Variants in PRKN observed in about 807,000 individuals in gnomAD.
PRKN encodes the protein parkin RBR E3 ubiquitin protein ligase, also known as E3 ubiquitin-protein ligase parkin.
A neutral mutation model predicts 59.5 loss-of-function variants in PRKN; 56 were observed. The observed-to-expected ratio is 0.94, with a 90% CI of 0.76 to 1.18. PRKN has a LOEUF of 1.18. Ranked by LOEUF, PRKN falls within the 50% of genes most tolerant of loss-of-function variation. The pLI is 0.00. For missense variants in PRKN, 657 were observed against 596.4 expected (o/e 1.10, Z -1.06); for synonymous variants, 250 against 222.1 (o/e 1.13, Z -1.12).
chr6:162,474,696 T>C (rs1791916443), intron 1 of PRKN, among the ~76,000 whole-genome samples: 1 of 152,184 alleles, frequency 6.6e-6, no homozygotes, highest in South Asian at 2.1e-4. Context: ...AAAGATTTGC[T>C]AGATTCTTTG....
chr6:162,059,001 C>T (rs1338077500), intron 4 of PRKN, among the ~76,000 whole-genome samples: 5 of 149,428 alleles, frequency 3.3e-5, no homozygotes, highest in African/African-American at 1.2e-4. Context: ...TAATTAAATG[C>T]AGGAATTAGG....
At position 161,363,501 on chromosome 6, in the gene PRKN, T is replaced by C. The variant is rs1200523347; in HGVS notation, c.1168-3296A>G. ...GAAAGATGGAGCTGAAGAAATTACA[T>C]AAAATGCCAAGAAGTAAAAAATATG... On this transcript the variant is annotated intron_variant, in intron 10 of 11. Transcript: ENST00000366898. This position sits in a 1 kb window ranked among gnomAD's most constrained non-coding sequence, Gnocchi z 4.1. Among the ~76,000 whole-genome samples, 1 of 152,036 alleles carries C rather than the reference T, an allele frequency of 6.6e-6. No individual in the cohort carries two copies.
rs565416919 is a variant in PRKN at position 161,518,083 on chromosome 6, C to T, written c.1083+30771G>A. On this transcript the variant is annotated intron_variant, in intron 9 of 11. Coordinates refer to ENST00000366898, the MANE Select transcript of PRKN (RefSeq NM_004562.3). The surrounding 1 kb of genome is among the most constrained non-coding windows in gnomAD (Gnocchi z 5.0). The stretch of plus-strand genomic sequence containing the variant: ...GATTTGGCTTCTATGAGGGCATGTG[C>T]GAGTCTAGCTCTCCAGATACCTTAG... Among the ~76,000 whole-genome samples the T allele has an allele frequency of 1.3e-3, 195 of 152,292 alleles. No homozygotes were observed. Among genetic ancestry groups the T allele is most frequent in the African/African-American group, 2.8e-3 (116 of 41,572 alleles).
chr6:161,741,451 C>G (rs768170363), intron 7 of PRKN, among the ~76,000 whole-genome samples: 4 of 152,130 alleles, frequency 2.6e-5, no homozygotes, highest in African/African-American at 9.7e-5. Flanking sequence ...ACGGGGAATC[C>G]GAGGATCAAA....
At chr6:161,698,836 A>C (rs773999289) in intron 7 of PRKN, among the ~76,000 whole-genome samples, 6 of 152,190 alleles carry the variant, frequency 3.9e-5, no homozygotes, top group Non-Finnish European at 8.8e-5. Flanking sequence ...TAAACTATAA[A>C]AGTTCTAGCA....
At chr6:162,156,101 C>T (rs1050235398) in intron 4 of PRKN, among the ~76,000 whole-genome samples, 3 of 152,066 alleles carry the variant, frequency 2.0e-5, no homozygotes, top group African/African-American at 7.2e-5. Flanking sequence ...TTAATATTTA[C>T]ATCCCTATGT....
At chr6:162,697,879 T>C (rs1321094821) in intron 1 of PRKN, among the ~76,000 whole-genome samples, 2 of 152,208 alleles carry the variant, frequency 1.3e-5, no homozygotes, top group African/African-American at 4.8e-5. Flanking sequence ...TCTTAACATA[T>C]TCAATTGGAT....
At chr6:162,006,307 C>G (rs1782251580) in intron 5 of PRKN, among the ~76,000 whole-genome samples, 1 of 152,154 alleles carries the variant, frequency 6.6e-6, no homozygotes, top group South Asian at 2.1e-4. Flanking sequence ...TCTCACACCA[C>G]TAATTGATGC....
intron 7 of PRKN, among the ~76,000 whole-genome samples, chr6:161,647,173 G>A (rs1018845442): frequency 6.6e-6 from 1 of 152,118 alleles, no homozygotes; most frequent in Non-Finnish European, 1.5e-5. Flanking sequence ...GTGATTCACC[G>A]AACCCTTCCC....
intron 7 of PRKN, among the ~76,000 whole-genome samples, chr6:161,633,173 T>A (rs1223384756): frequency 6.6e-6 from 1 of 152,212 alleles, no homozygotes. Flanking sequence ...TTTGTGTGCA[T>A]GTCTGACTGC....
intron 7 of PRKN, among the ~76,000 whole-genome samples, chr6:161,768,924 A>G (rs1367718059): frequency 6.6e-6 from 1 of 152,202 alleles, no homozygotes; most frequent in African/African-American, 2.4e-5. Context: ...CGCTATTTAT[A>G]CTCCTACATA....
At chr6:162,655,236 C>T (rs565409787) in intron 1 of PRKN, among the ~76,000 whole-genome samples, 5 of 152,132 alleles carry the variant, frequency 3.3e-5, no homozygotes, top group African/African-American at 1.2e-4. Flanking sequence ...GAGCTTTATC[C>T]GCCATGAAGT....
At chr6:162,569,655 C>T (rs1780229843) in intron 1 of PRKN, 2 of 686,602 alleles carry the variant, frequency 2.9e-6, no homozygotes, top group South Asian at 1.4e-5. Context: ...TCCACCAGGG[C>T]CATGGTTGTG....
At chr6:162,518,483 A>G (rs953784194) in intron 1 of PRKN, among the ~76,000 whole-genome samples, 5 of 152,154 alleles carry the variant, frequency 3.3e-5, no homozygotes, top group South Asian at 2.1e-4. Flanking sequence ...CTCGTGCCTC[A>G]GCCTCCTGAG....
At position 161,471,974 on chromosome 6, in the gene PRKN, AC is replaced by A. The variant is rs1288088138; in HGVS notation, c.1083+76879del. ...ACTTTGGGAGACATTAAAAAAAAATACTGAAGCCTATGAAGAAGAAGTTCTC... is the reference window on the plus strand; with the variant it reads ...ACTTTGGGAGACATTAAAAAAAAATATGAAGCCTATGAAGAAGAAGTTCTC... On this transcript the variant is annotated intron_variant, in intron 9 of 11. Coordinates refer to ENST00000366898, the MANE Select transcript of PRKN (RefSeq NM_004562.3). This position sits in a 1 kb window ranked among gnomAD's most constrained non-coding sequence, Gnocchi z 4.5. Among the ~76,000 whole-genome samples the A allele has an allele frequency of 6.6e-6, 1 of 152,150 alleles. No individual in the cohort carries two copies. The highest frequency in any genetic ancestry group is 1.5e-5 in the Non-Finnish European group (1 of 68,034).
At chr6:161,970,320 C>A (rs1780751807) in intron 6 of PRKN, among the ~76,000 whole-genome samples, 3 of 151,714 alleles carry the variant, frequency 2.0e-5, no homozygotes, top group African/African-American at 7.3e-5. Flanking sequence ...GGATTACAGG[C>A]ATGAGCTGCC....
At chr6:161,477,918 A>G (rs1221888049) in intron 9 of PRKN, among the ~76,000 whole-genome samples, 2 of 152,210 alleles carry the variant, frequency 1.3e-5, no homozygotes, top group Non-Finnish European at 2.9e-5. Flanking sequence ...CGAAGCAGGA[A>G]AGAGCGGCAT....
At chr6:161,705,583 G>A (rs1048329483) in intron 7 of PRKN, among the ~76,000 whole-genome samples, 1 of 152,042 alleles carries the variant, frequency 6.6e-6, no homozygotes, top group African/African-American at 2.4e-5. Flanking sequence ...ATGATAAACG[G>A]TAGGTCCTTG....
chr6:161,575,101 G>A lies in PRKN; in HGVS notation c.872-5685C>T, dbSNP rs1184102789. Among the ~76,000 whole-genome samples, 1 of 152,062 alleles carries A rather than the reference G, an allele frequency of 6.6e-6. No homozygotes were observed. Among genetic ancestry groups the A allele is most frequent in the Non-Finnish European group, 1.5e-5 (1 of 68,018 alleles). ...AACCCATCACTCAACTGTTGCCTGTGTTTTCTAAAAATCTGAGCTCATTGG... is the reference window on the plus strand; with the variant it reads ...AACCCATCACTCAACTGTTGCCTGTATTTTCTAAAAATCTGAGCTCATTGG... On this transcript the variant is annotated intron_variant, in intron 7 of 11. Transcript: ENST00000366898. This position sits in a 1 kb window ranked among gnomAD's most constrained non-coding sequence, Gnocchi z 4.6.
Sources: gnomAD v4.1 joint callset for allele counts (sites outside exome capture counted in the v4.1 genomes callset) on GRCh38, gnomAD v4.1.1 for gene constraint, Gnocchi (gnomAD v3.1) non-coding constraint, MANE v1.5 for transcripts, NCBI Gene and HGNC (gene_info 2026-07-23, HGNC 2026-07-21) for gene names.